TNS3: variants seen among roughly 807,000 people sequenced by gnomAD.
TNS3 encodes tensin-3.
A neutral mutation model predicts 140.9 loss-of-function variants in TNS3; 45 were observed. The observed-to-expected ratio is 0.32, with a 90% CI of 0.25 to 0.41. The LOEUF (loss-of-function observed/expected upper bound fraction) is 0.41. Ranked by LOEUF, TNS3 falls within the 10% of genes least tolerant of loss-of-function variation. The probability of loss-of-function intolerance (pLI) is 1.00; values close to 1 mark genes in which losing one functional copy is unlikely to be tolerated. For missense variants in TNS3, 1,716 were observed against 1,906.7 expected (o/e 0.90, Z 1.86); for synonymous variants, 815 against 788.4 (o/e 1.03, Z -0.56).
chr7:47,310,486 TC>T (rs1454914427), intron 20 of TNS3, among the ~76,000 whole-genome samples: 2 of 151,764 alleles, frequency 1.3e-5, no homozygotes, highest in African/African-American at 4.8e-5. Flanking sequence ...AGAACATGCC[TC>T]CCCCACCCAG....
intron 25 of TNS3, among the ~76,000 whole-genome samples, chr7:47,293,375 G>C (rs1320106774): frequency 6.6e-6 from 1 of 152,144 alleles, no homozygotes; most frequent in African/African-American, 2.4e-5. Flanking sequence ...GGGAAGGGAG[G>C]GTGCTCTGTT....
At chr7:47,532,265 T>C (rs1799435703) in intron 1 of TNS3, among the ~76,000 whole-genome samples, 1 of 152,122 alleles carries the variant, frequency 6.6e-6, no homozygotes, top group Non-Finnish European at 1.5e-5. Context: ...AGGGAGGGCC[T>C]GTAGGCTGGG....
intron 17 of TNS3, among the ~76,000 whole-genome samples, chr7:47,346,663 G>C (rs1010624308): frequency 3.3e-5 from 5 of 152,190 alleles, no homozygotes; most frequent in African/African-American, 1.2e-4. Flanking sequence ...TGCTGGGAAA[G>C]GACAGTGCCC....
intron 28 of TNS3, 84 bp from the exon 29 acceptor site, chr7:47,280,438 A>G (rs545429257): frequency 8.4e-7 from 1 of 1,194,424 alleles, no homozygotes; most frequent in South Asian, 1.2e-5. Context: ...GCTCTCCCAT[A>G]CATGAAGATT....
chr7:47,503,787 A>G (rs1379079477), intron 3 of TNS3, among the ~76,000 whole-genome samples: 1 of 152,098 alleles, frequency 6.6e-6, no homozygotes, highest in Non-Finnish European at 1.5e-5. Flanking sequence ...TAGGGTTGGG[A>G]AGTACAAGAT....
At chr7:47,582,424 T>A (rs1476540379), upstream of TNS3, 2 of 456,466 alleles carry the variant, frequency 4.4e-6, no homozygotes, top group South Asian at 3.1e-5. Context: ...GGTGTTAGAG[T>A]ACCTGGGGAG....
chr7:47,304,927 C>A lies in TNS3; in HGVS notation c.2727G>T (p.Met909Ile). 7.0e-7 allele frequency: 1 copy of A among 1,435,842 alleles called. No homozygotes were observed. The highest frequency in any genetic ancestry group is 9.3e-7 in the Non-Finnish European group (1 of 1,080,630). 88.9% of individuals were successfully genotyped at this position (1,435,842 alleles called of 1,614,324 possible). ...SESPIGPKST[M>I]LRADASSTPS... ...GCGTCGAGGACGCATCAGCCCGGAG[C>A]ATCGTGGATTTGGGTCCGATGGGGC... Residue 909 changes from methionine to isoleucine, a missense_variant, in exon 21 of 31, where the codon ATG becomes ATT. This residue lies in a region of TNS3 where 1,163 missense variants were observed against 1,182.1 expected (regional missense o/e 0.98). Coordinates refer to ENST00000311160, the MANE Select transcript of TNS3 (RefSeq NM_022748.12).
At chr7:47,405,496 A>AC in intron 13 of TNS3, 1 of 702,954 alleles carries the variant, frequency 1.4e-6, no homozygotes, top group Non-Finnish European at 2.6e-6. Context: ...GCCAACACTA[A>AC]CCATGATTTC....
intron 1 of TNS3, among the ~76,000 whole-genome samples, chr7:47,552,206 G>A (rs34912549): frequency 0.012 from 1,875 of 152,196 alleles, 19 homozygotes; most frequent in Non-Finnish European, 0.022. Flanking sequence ...GGAATGCTTA[G>A]GGATGCGTTA....
chr7:47,319,650 A>G (rs1562589879), intron 20 of TNS3, among the ~76,000 whole-genome samples: 1 of 152,184 alleles, frequency 6.6e-6, no homozygotes. Context: ...GAAGTCTCTT[A>G]CCATGACTTG....
intron 13 of TNS3, among the ~76,000 whole-genome samples, chr7:47,403,995 C>G (rs1793302075): frequency 6.6e-6 from 1 of 152,246 alleles, no homozygotes; most frequent in African/African-American, 2.4e-5. Flanking sequence ...ATTTTCCCTT[C>G]ATCCCTCCGG....
At chr7:47,297,488 G>A (rs1424925448) in intron 23 of TNS3, among the ~76,000 whole-genome samples, 2 of 152,172 alleles carry the variant, frequency 1.3e-5, no homozygotes, top group Non-Finnish European at 2.9e-5. Flanking sequence ...TAGCTAGACT[G>A]AGGTGCCGGG....
chr7:47,548,718 C>T lies in TNS3; in HGVS notation c.-264-19571G>A, dbSNP rs555236659. Among the ~76,000 whole-genome samples the T allele has an allele frequency of 3.1e-3, 470 of 152,248 alleles. 1 individual carries two copies. The highest frequency in any genetic ancestry group is 0.01 in the African/African-American group (422 of 41,550). ...AATGCACCCCCAGGCCGGCTGTCAC[C>T]CTTCCCACCACCTGTCTGCCGGCTG... On this transcript the variant is annotated intron_variant, in intron 1 of 30. Transcript: ENST00000311160.
rs1241580495 is a variant in TNS3, at chr7:47,303,507, G to A, written c.2900C>T (p.Thr967Ile). ...MVSLLGSGRP[T>I]GSPLSAEFSG... ...GAACTCAGCGCTGAGGGGACTTCCG[G>A]TGGGCCGGCCGCTCCCCAGCAGGGA... is the stretch of plus-strand genomic sequence containing the variant. Residue 967 changes from threonine (T) to isoleucine (I), a missense_variant, in exon 22 of 31, where the codon ACC becomes ATC. Physicochemically the swap from Thr to Ile is moderately conservative, Grantham distance 89. This residue lies in a region of TNS3 where 1,163 missense variants were observed against 1,182.1 expected (regional missense o/e 0.98). Coordinates refer to ENST00000311160, the MANE Select transcript of TNS3 (RefSeq NM_022748.12). 6.2e-7 allele frequency: 1 copy of A among 1,608,984 alleles called. No individual in the cohort carries two copies. The highest frequency in any genetic ancestry group is 1.3e-5 in the African/African-American group (1 of 75,050).
At chr7:47,529,529 C>T (rs999634195) in intron 1 of TNS3, among the ~76,000 whole-genome samples, 6 of 152,236 alleles carry the variant, frequency 3.9e-5, no homozygotes, top group Non-Finnish European at 7.3e-5. Flanking sequence ...ACTCTCAACC[C>T]TTTTTCTTCT....
intron 1 of TNS3, among the ~76,000 whole-genome samples, chr7:47,553,530 T>A (rs560238045): frequency 2.6e-5 from 4 of 152,364 alleles, no homozygotes; most frequent in African/African-American, 9.6e-5. Context: ...AAAGCCTGGA[T>A]GACAGAACTT....
rs181932240 is a variant in TNS3, at chr7:47,303,192, G to A, written c.3215C>T (p.Thr1072Met). The A allele has an allele frequency of 3.4e-3, 5,494 of 1,613,598 alleles. 63 individuals are homozygous for A. Among genetic ancestry groups the A allele is most frequent in the South Asian group, 0.028 (2,548 of 91,080 alleles). ...DNGFLSHNFL[T>M]VAPGHSSHHS... ...GTGGCTGCTGTGTCCAGGCGCCACC[G>A]TGAGAAAGTTGTGGGACAGGAAGCC... is the stretch of plus-strand genomic sequence containing the variant. Residue 1072 changes from threonine (T) to methionine (M), a missense_variant, in exon 22 of 31, where the codon ACG becomes ATG. Around this residue, in one of 3 missense-constraint regions of TNS3, gnomAD observed 1,163 missense variants for 1,182.1 expected, o/e 0.98. Transcript: ENST00000311160.
rs140915395 is a variant in TNS3 at position 47,473,359 on chromosome 7, G to A, written c.-76+7744C>T. 5.9e-5 allele frequency among the ~76,000 whole-genome samples: 9 copies of A among 152,256 alleles called. No individual in the cohort carries two copies. The East Asian group carries it at 1.2e-3, about 20-fold the overall frequency. ...GAGATTAAGGAGCAAGAACATTTGCGTATATCCATTGACCTAATAGAACTC... is the reference window on the plus strand; with the variant it reads ...GAGATTAAGGAGCAAGAACATTTGCATATATCCATTGACCTAATAGAACTC... On this transcript the variant is annotated intron_variant, in intron 4 of 30. Coordinates refer to ENST00000311160, the MANE Select transcript of TNS3 (RefSeq NM_022748.12).
chr7:47,559,206 C>A (rs1221211550), intron 1 of TNS3, among the ~76,000 whole-genome samples: 1 of 152,074 alleles, frequency 6.6e-6, no homozygotes, highest in African/African-American at 2.4e-5. Flanking sequence ...AGAAATTAGC[C>A]AGGCATGGTG....
Sources: gnomAD v4.1 joint callset for allele counts (sites outside exome capture counted in the v4.1 genomes callset) on GRCh38, gnomAD v4.1.1 for gene constraint, gnomAD v4.1.1 regional missense constraint, MANE v1.5 for transcripts, NCBI Gene and HGNC (gene_info 2026-07-23, HGNC 2026-07-21) for gene names.